CAPN9: variants seen among roughly 807,000 people sequenced by gnomAD.
CAPN9 encodes the protein calpain-9.
In CAPN9, 81 loss-of-function variants were observed where a neutral mutation model predicts 92.8. The observed-to-expected ratio is 0.87, with a 90% CI of 0.73 to 1.05. CAPN9 has a LOEUF of 1.05. CAPN9 is among the 50% of genes least tolerant of loss of function. CAPN9 has a pLI of 0.00. For synonymous variants in CAPN9, 304 were observed against 328.0 expected, an observed-to-expected ratio of 0.93 and a Z score of 0.79; for missense variants, 848 against 866.2, an observed-to-expected ratio of 0.98 and a Z score of 0.26.
intron 11 of CAPN9, among the ~76,000 whole-genome samples, chr1:230,784,224 C>A (rs549931909): frequency 5.3e-5 from 8 of 152,254 alleles, no homozygotes; most frequent in African/African-American, 1.7e-4. Context: ...AAATTTGCAG[C>A]CTGGCTATAT....
At chr1:230,748,355 G>A (rs151084397) in intron 1 of CAPN9, among the ~76,000 whole-genome samples, 1 of 152,302 alleles carries the variant, frequency 6.6e-6, no homozygotes, top group East Asian at 1.9e-4. Flanking sequence ...TTGCGGTGCT[G>A]GATTAGTCAG....
At chr1:230,764,160 T>C (rs537571675) in intron 4 of CAPN9, among the ~76,000 whole-genome samples, 1 of 152,360 alleles carries the variant, frequency 6.6e-6, no homozygotes, top group Non-Finnish European at 1.5e-5. Flanking sequence ...AAGCATTATT[T>C]CTGGGTGTGT....
chr1:230,782,912 A>G (rs376703742), intron 11 of CAPN9, among the ~76,000 whole-genome samples: 3 of 152,266 alleles, frequency 2.0e-5, no homozygotes, highest in South Asian at 4.2e-4. Flanking sequence ...GCTAATTGGG[A>G]GGCTGAGGCA....
At chr1:230,774,264 C>T (rs187430576) in intron 7 of CAPN9, among the ~76,000 whole-genome samples, 643 of 152,344 alleles carry the variant, frequency 4.2e-3, no homozygotes, top group Non-Finnish European at 6.9e-3. Context: ...CACGGGCATG[C>T]AATGCCTTGT....
intron 19 of CAPN9, 97 bp from the exon 20 acceptor site, chr1:230,801,473 C>A: frequency 1.8e-6 from 2 of 1,103,052 alleles, no homozygotes; most frequent in Non-Finnish European, 2.8e-6. Flanking sequence ...AATAGCAGAT[C>A]TCCTGTGATA....
chr1:230,796,948 A>G (rs921012751), intron 18 of CAPN9, among the ~76,000 whole-genome samples: 1 of 152,178 alleles, frequency 6.6e-6, no homozygotes, highest in African/African-American at 2.4e-5. Context: ...CCAAGGATGG[A>G]GCTTTGCTGC....
intron 7 of CAPN9, among the ~76,000 whole-genome samples, chr1:230,774,037 C>T (rs1456453061): frequency 6.6e-6 from 1 of 152,210 alleles, no homozygotes; most frequent in Non-Finnish European, 1.5e-5. Flanking sequence ...ACACCTAGCT[C>T]ACAGAACCCC....
Position 230,792,434 on chromosome 1 carries a change from C to T in CAPN9, c.1731C>T (p.Gly577=), listed in dbSNP as rs1435628006. 8.7e-6 allele frequency: 14 copies of T among 1,613,828 alleles called. No homozygotes were observed. The part of the protein sequence containing the change: ...KNIISLMDTS[G]NGKLEFDEFK... Reference sequence around the variant, plus strand: ...TAACCCACATGGCACAGACCAGCGGCAATGGGAAGCTGGAGTTTGATGAAT... The same window carrying T: ...TAACCCACATGGCACAGACCAGCGGTAATGGGAAGCTGGAGTTTGATGAAT... The change falls in exon 16 of 20, where the codon GGC becomes GGT. Residue 577 remains glycine, a synonymous_variant. Coordinates refer to ENST00000271971, the MANE Select transcript of CAPN9 (RefSeq NM_006615.3).
chr1:230,761,527 T>A (rs3790953), intron 3 of CAPN9, among the ~76,000 whole-genome samples: 36,324 of 150,916 alleles, frequency 0.24, 5,441 homozygotes, highest in Non-Finnish European at 0.35. Flanking sequence ...GAGGTCCAGC[T>A]GGAGCAGGTG....
chr1:230,750,411 G>T (rs775017656), intron 1 of CAPN9, among the ~76,000 whole-genome samples: 3 of 152,054 alleles, frequency 2.0e-5, no homozygotes, highest in African/African-American at 7.2e-5. Flanking sequence ...CCTCATTCTC[G>T]TACCCCTATC....
chr1:230,750,358 C>T (rs934195716), intron 1 of CAPN9, among the ~76,000 whole-genome samples: 2 of 152,204 alleles, frequency 1.3e-5, no homozygotes, highest in Non-Finnish European at 2.9e-5. Flanking sequence ...TCTGTTCTGC[C>T]TTTTCCTTTG....
chr1:230,797,331 T>TA (rs770326478), intron 18 of CAPN9, among the ~76,000 whole-genome samples: 3 of 152,220 alleles, frequency 2.0e-5, no homozygotes, highest in Admixed American at 1.3e-4. Flanking sequence ...CTCCAGCTGA[T>TA]AGACTTGTTT....
chr1:230,757,081 C>G (rs1324547423), intron 2 of CAPN9, among the ~76,000 whole-genome samples: 1 of 150,666 alleles, frequency 6.6e-6, no homozygotes, highest in Non-Finnish European at 1.5e-5. Context: ...AGAAAATATA[C>G]TATTCCAGGA....
Position 230,780,670 on chromosome 1 carries a change from C to G in CAPN9, c.1443C>G (p.Phe481Leu). 1 of 1,614,162 alleles carries G rather than the reference C, an allele frequency of 6.2e-7. No homozygotes were observed. Among genetic ancestry groups the G allele is most frequent in the Non-Finnish European group, 8.5e-7 (1 of 1,180,008 alleles). Residue 481 changes from phenylalanine (F) to leucine (L), a missense_variant, in exon 11 of 20, where the codon TTC (phenylalanine) becomes TTG (leucine). Physicochemically the swap from Phe to Leu is conservative, Grantham distance 22. Transcript: ENST00000271971. ...STFEPHQEADFCLRIFSEKKA... is the reference protein window; with the variant it reads ...STFEPHQEADLCLRIFSEKKA... ...TTGAGCCCCACCAGGAAGCTGATTT[C>G]TGTCTGAGAATCTTTTCAGAGAAAA...
intron 13 of CAPN9, 54 bp downstream of exon 13, chr1:230,787,656 T>G (rs1393710602): frequency 4.7e-6 from 7 of 1,495,956 alleles, no homozygotes; most frequent in African/African-American, 1.4e-5. Flanking sequence ...TGGACCTGCT[T>G]CCTAGCAAAG....
intron 6 of CAPN9, 78 bp from the exon 7 acceptor site, chr1:230,771,936 C>T (rs1666409483): frequency 8.5e-7 from 1 of 1,171,624 alleles, no homozygotes; most frequent in East Asian, 2.3e-5. Flanking sequence ...GCTGGTCCAC[C>T]TGGAGCTCAT....
rs145648359 is a variant in CAPN9, at chr1:230,779,052, G to T, written c.1033G>T (p.Ala345Ser). 9 of 1,613,588 alleles carry T rather than the reference G, an allele frequency of 5.6e-6. No homozygotes were observed. The African/African-American group carries it at 9.3e-5, about 17-fold the overall frequency. Reference sequence around the variant, plus strand: ...CACTCCCGATGCCCTGGAGGAAGACGCGATCCACAAATGGGAGGTGACGGT... The same window carrying T: ...CACTCCCGATGCCCTGGAGGAAGACTCGATCCACAAATGGGAGGTGACGGT... ...NLTPDALEED[A>S]IHKWEVTVHQ... is the part of the protein sequence containing the mutation. Residue 345 changes from alanine to serine, a missense_variant, in exon 9 of 20, where the codon GCG becomes TCG. Coordinates refer to ENST00000271971, the MANE Select transcript of CAPN9 (RefSeq NM_006615.3).
In CAPN9 at chr1:230,772,083, G is replaced by A. The variant is rs143186556; in HGVS notation, c.859G>A (p.Gly287Arg). The change falls in exon 7 of 20, where the codon GGG becomes AGG. Residue 287 changes from glycine to arginine, a missense_variant. Physicochemically the swap from Gly to Arg is moderately radical, Grantham distance 125. Transcript: ENST00000271971. The stretch of plus-strand genomic sequence containing the variant: ...CCCTTGGGGCCAGGTTGAGTGGAAC[G>A]GGTCGTGGAGCGACAGGTCAGTCAC... The part of the protein sequence containing the change: ...RNPWGQVEWN[G>R]SWSDSSPEWR... The A allele has an allele frequency of 6.4e-4, 1,036 of 1,614,184 alleles. 1 individual carries two copies. The highest frequency in any genetic ancestry group is 1.5e-3 in the Middle Eastern group (9 of 6,062).
chr1:230,751,685 A>T (rs1465559626), intron 1 of CAPN9, among the ~76,000 whole-genome samples: 1 of 149,576 alleles, frequency 6.7e-6, no homozygotes, highest in Non-Finnish European at 1.5e-5. Context: ...GAAAGAAAGA[A>T]GGGTGGCTTT....
Sources: allele counts gnomAD v4.1 joint callset (sites outside exome capture counted in the v4.1 genomes callset), GRCh38; gene constraint gnomAD v4.1.1; transcripts MANE v1.5; gene names NCBI Gene and HGNC (gene_info 2026-07-23, HGNC 2026-07-21).